The following DYTN variants were observed in gnomAD, a reference collection of about 807,000 sequenced individuals.
The protein encoded by DYTN is dystrotelin.
A neutral mutation model predicts 69.6 loss-of-function variants in DYTN; 75 were observed. The ratio of observed to expected loss-of-function variants is 1.08; its 90% CI spans 0.89 to 1.31. DYTN has a LOEUF of 1.31. Among genes scored for constraint, DYTN ranks in the 50% most tolerant of loss-of-function variants. DYTN has a pLI of 0.00. For missense variants in DYTN, 726 were observed against 688.4 expected (o/e 1.05, Z -0.61); for synonymous variants, 252 against 249.1 (o/e 1.01, Z -0.11).
At chr2:206,667,289 T>C (rs1369677133) in intron 9 of DYTN, among the ~76,000 whole-genome samples, 1 of 152,200 alleles carries the variant, frequency 6.6e-6, no homozygotes, top group Non-Finnish European at 1.5e-5. Flanking sequence ...TCGCTCCTCT[T>C]TGAACACCCC....
rs747854989 is a variant in DYTN, at chr2:206,694,853, G to C, written c.744C>G (p.Asn248Lys). 1 of 1,606,380 alleles carries C rather than the reference G, an allele frequency of 6.2e-7. No individual in the cohort carries two copies. Among genetic ancestry groups the C allele is most frequent in the Admixed American group, 1.7e-5 (1 of 59,008 alleles). The change falls in exon 8 of 12, where the codon AAC becomes AAG. Residue 248 changes from asparagine (N) to lysine (K), a missense_variant. Coordinates refer to ENST00000452335, the MANE Select transcript of DYTN (RefSeq NM_001093730.1). The part of the protein sequence containing the change: ...GLRYRCLKCL[N>K]FDICQMCFLS... ...AGAAACACATCTGGCAGATGTCAAA[G>C]TTGAGACACTTCAGACAGCGGTATC...
intron 7 of DYTN, among the ~76,000 whole-genome samples, chr2:206,698,011 G>A (rs1486342397): frequency 6.6e-6 from 1 of 152,156 alleles, no homozygotes; most frequent in African/African-American, 2.4e-5. Flanking sequence ...TAATTACAAA[G>A]TTAATCCTGT....
intron 9 of DYTN, among the ~76,000 whole-genome samples, chr2:206,671,871 G>C (rs536092122): frequency 2.0e-5 from 3 of 152,134 alleles, no homozygotes. Context: ...TTAGTCATTC[G>C]CAATGAAAGC....
At chr2:206,705,698 G>T in intron 4 of DYTN, 90 bp downstream of exon 4, 1 of 1,127,152 alleles carries the variant, frequency 8.9e-7, no homozygotes, top group Non-Finnish European at 1.3e-6. Context: ...AGTACATGCT[G>T]AAGAGGCCTT....
At chr2:206,675,305 A>G (rs1699674151) in intron 9 of DYTN, among the ~76,000 whole-genome samples, 1 of 147,510 alleles carries the variant, frequency 6.8e-6, no homozygotes, top group African/African-American at 2.5e-5. Flanking sequence ...TTTATATTTT[A>G]TATGTTGATC....
chr2:206,663,492 CA>C (rs1699536694), intron 10 of DYTN, 97 bp from the exon 11 acceptor site: 20 of 1,302,406 alleles, frequency 1.5e-5, no homozygotes, highest in Non-Finnish European at 2.0e-5. Context: ...CATTCTAATG[CA>C]AGACTTTTCT....
chr2:206,692,185 A>C (rs1699870505), intron 9 of DYTN, among the ~76,000 whole-genome samples: 1 of 151,926 alleles, frequency 6.6e-6, no homozygotes, highest in Admixed American at 6.6e-5. Context: ...GAATCGCTTA[A>C]GTCCCAAAAT....
intron 9 of DYTN, among the ~76,000 whole-genome samples, chr2:206,690,158 G>A (rs2105896439): frequency 6.6e-6 from 1 of 152,290 alleles, no homozygotes; most frequent in South Asian, 2.1e-4. Flanking sequence ...AGGCCTTCAG[G>A]ATGAGCCTAC....
chr2:206,676,283 A>G (rs923540600), intron 9 of DYTN, among the ~76,000 whole-genome samples: 15 of 152,244 alleles, frequency 9.9e-5, no homozygotes, highest in African/African-American at 3.6e-4. Flanking sequence ...TTGCAGGGAC[A>G]TGGATGAAGC....
At chr2:206,674,975 C>G (rs1409554448) in intron 9 of DYTN, among the ~76,000 whole-genome samples, 1 of 151,630 alleles carries the variant, frequency 6.6e-6, no homozygotes, top group African/African-American at 2.4e-5. Context: ...CCCACTAAAT[C>G]TACTCTCATT....
chr2:206,710,514 C>G lies in DYTN; in HGVS notation c.94+10G>C, dbSNP rs1336117140. 1 of 1,606,216 alleles carries G rather than the reference C, an allele frequency of 6.2e-7. No homozygotes were observed. Among genetic ancestry groups the G allele is most frequent in the East Asian group, 2.2e-5 (1 of 44,722 alleles). ...ATTATTTCAAATATTTCAGGAGAGC[C>G]TATACTTACACTGGCACAGAGTTTG... is the stretch of plus-strand genomic sequence containing the variant. On this transcript the variant is annotated intron_variant, in intron 2 of 11. Transcript: ENST00000452335.
At chr2:206,705,994 T>G in intron 3 of DYTN, 121 bp from the exon 4 acceptor site, 1 of 978,400 alleles carries the variant, frequency 1.0e-6, no homozygotes, top group Non-Finnish European at 1.5e-6. Flanking sequence ...AGTTCCAACT[T>G]TTTGTGGCCT....
intron 1 of DYTN, among the ~76,000 whole-genome samples, chr2:206,711,728 C>T (rs972725430): frequency 1.3e-5 from 2 of 151,652 alleles, no homozygotes; most frequent in African/African-American, 4.9e-5. Context: ...AATCCTATCC[C>T]TCCCCCTTCC....
intron 9 of DYTN, among the ~76,000 whole-genome samples, chr2:206,675,207 G>A (rs1699672379): frequency 7.0e-6 from 1 of 142,740 alleles, no homozygotes; most frequent in African/African-American, 2.6e-5. Flanking sequence ...ATGTATTTTT[G>A]TATTTAAGTG....
chr2:206,675,450 A>G (rs1029487076), intron 9 of DYTN, among the ~76,000 whole-genome samples: 14 of 151,712 alleles, frequency 9.2e-5, no homozygotes, highest in African/African-American at 2.9e-4. Context: ...CAGGGTAACT[A>G]TTCAAAAAGC....
chr2:206,676,243 C>T lies in DYTN; in HGVS notation c.981-10214G>A, dbSNP rs143391090. The stretch of plus-strand genomic sequence containing the variant: ...CACATATACACCATGGAATACTATG[C>T]AGTCATAAAAAAGAATGAGTTCATG... On this transcript the variant is annotated intron_variant, in intron 9 of 11. Transcript: ENST00000452335. 3.3e-3 allele frequency among the ~76,000 whole-genome samples: 498 copies of T among 152,260 alleles called. 4 individuals carry two copies. Among genetic ancestry groups the T allele is most frequent in the African/African-American group, 0.011 (454 of 41,552 alleles).
chr2:206,652,085 C>G (rs1235332191), intron 11 of DYTN, among the ~76,000 whole-genome samples, 164 bp from the exon 12 acceptor site: 1 of 152,128 alleles, frequency 6.6e-6, no homozygotes, highest in East Asian at 1.9e-4. Flanking sequence ...TATTATTTAC[C>G]ACGATCATTA....
intron 5 of DYTN, among the ~76,000 whole-genome samples, chr2:206,700,779 A>T (rs1340585860): frequency 6.6e-6 from 1 of 152,034 alleles, no homozygotes; most frequent in African/African-American, 2.4e-5. Context: ...ACCCTCTGAC[A>T]GGACCCAGTG....
At chr2:206,653,155 C>G (rs985153381) in intron 11 of DYTN, among the ~76,000 whole-genome samples, 4 of 152,150 alleles carry the variant, frequency 2.6e-5, no homozygotes, top group East Asian at 1.9e-4. Flanking sequence ...GACTAACAAA[C>G]CTTGTCCAGA....
Sources: allele counts gnomAD v4.1 joint callset (sites outside exome capture counted in the v4.1 genomes callset), GRCh38; gene constraint gnomAD v4.1.1; transcripts MANE v1.5; gene names NCBI Gene and HGNC (gene_info 2026-07-23, HGNC 2026-07-21).